The following KCNN2 variants were observed in gnomAD, a reference collection of about 807,000 sequenced individuals.
KCNN2 encodes the protein small conductance calcium-activated potassium channel protein 2.
In KCNN2, 24 loss-of-function variants were observed where a neutral mutation model predicts 55.5. The ratio of observed to expected loss-of-function variants is 0.43; its 90% CI spans 0.31 to 0.61. KCNN2 has a LOEUF of 0.61. KCNN2 is among the 20% of genes least tolerant of loss of function. The pLI is 0.08. For synonymous variants in KCNN2, 431 were observed against 336.1 expected (o/e 1.28, Z -3.09); for missense variants, 754 against 853.6 (o/e 0.88, Z 1.45).
chr5:114,488,041 C>A (rs1204114648), intron 6 of KCNN2, among the ~76,000 whole-genome samples: 1 of 152,174 alleles, frequency 6.6e-6, no homozygotes, highest in East Asian at 1.9e-4. Flanking sequence ...AACTCAGAGG[C>A]TGCAATTTTT....
At chr5:114,185,302 C>A (rs1212731227) in intron 1 of KCNN2, among the ~76,000 whole-genome samples, 1 of 152,318 alleles carries the variant, frequency 6.6e-6, no homozygotes, top group Admixed American at 6.5e-5. Flanking sequence ...ATTATCAGAT[C>A]TAAGAATATA....
At chr5:114,363,322 A>G in intron 1 of KCNN2, 61 bp downstream of exon 1, 1 of 1,475,246 alleles carries the variant, frequency 6.8e-7, no homozygotes, top group South Asian at 1.4e-5. Context: ...TGGGATGGGC[A>G]CTGGCGGGGA....
intron 1 of KCNN2, among the ~76,000 whole-genome samples, chr5:114,127,487 T>A (rs1751962787): frequency 6.6e-6 from 1 of 152,152 alleles, no homozygotes; most frequent in Non-Finnish European, 1.5e-5. Context: ...GTGTCTGGGA[T>A]GCAGGGCACC....
rs199965423 is a variant in KCNN2, at chr5:114,300,038, T to C, written c.-184-60907T>C. ...TTCTTCCAAAAATGGTGTTTTTTTT[T>C]CCACTCCTCCCAGATACTCAGCCCT... is the stretch of plus-strand genomic sequence containing the variant. On this transcript the variant is annotated intron_variant, in intron 2 of 10. Transcript: ENST00000512097. 1.1e-4 allele frequency among the ~76,000 whole-genome samples: 16 copies of C among 144,194 alleles called. No individual in the cohort carries two copies. In the East Asian group the frequency reaches 2.3e-3, roughly 21 times the overall value. The allele number at this position is 144,194 out of a possible 152,430, so 94.6% of individuals were successfully genotyped here.
At chr5:114,149,501 C>A (rs1752471745) in intron 1 of KCNN2, among the ~76,000 whole-genome samples, 1 of 152,062 alleles carries the variant, frequency 6.6e-6, no homozygotes, top group South Asian at 2.1e-4. Flanking sequence ...CGTGATGCCG[C>A]CAATGCACTG....
chr5:114,300,060 C>T lies in KCNN2; in HGVS notation c.-184-60885C>T, dbSNP rs564895519. ...TTTTCCACTCCTCCCAGATACTCAGCCCTCCTACCCTCTTCATAGTCAGAC... is the reference window on the plus strand; with the variant it reads ...TTTTCCACTCCTCCCAGATACTCAGTCCTCCTACCCTCTTCATAGTCAGAC... On this transcript the variant is annotated intron_variant, in intron 2 of 10. Coordinates refer to the KCNN2 transcript ENST00000512097. Among the ~76,000 whole-genome samples the T allele has an allele frequency of 1.1e-3, 169 of 152,186 alleles. 1 individual carries two copies. The highest frequency in any genetic ancestry group is 3.9e-3 in the African/African-American group (163 of 41,536).
intron 1 of KCNN2, among the ~76,000 whole-genome samples, chr5:114,125,845 A>G (rs191241022): frequency 5.8e-4 from 88 of 152,282 alleles, no homozygotes; most frequent in Admixed American, 1.6e-3. Context: ...TACAGCAATC[A>G]TAGTGGATTG....
chr5:114,281,870 T>A (rs560951669), intron 2 of KCNN2, among the ~76,000 whole-genome samples: 33 of 152,244 alleles, frequency 2.2e-4, no homozygotes, highest in African/African-American at 7.7e-4. Flanking sequence ...TCTGTGTTTT[T>A]TTTCTAGGGT....
At chr5:114,291,607 G>C (rs1430420069) in intron 2 of KCNN2, among the ~76,000 whole-genome samples, 1 of 152,146 alleles carries the variant, frequency 6.6e-6, no homozygotes, top group Non-Finnish European at 1.5e-5. Flanking sequence ...CATTTGGGTT[G>C]GTTCCAAGTC....
chr5:114,227,472 C>A (rs1754260215), intron 2 of KCNN2, among the ~76,000 whole-genome samples: 1 of 152,158 alleles, frequency 6.6e-6, no homozygotes, highest in Non-Finnish European at 1.5e-5. Context: ...TTCTGGCTTC[C>A]ACCTTAAAAA....
At chr5:114,425,240 A>G (rs910708309) in intron 3 of KCNN2, among the ~76,000 whole-genome samples, 5 of 152,206 alleles carry the variant, frequency 3.3e-5, no homozygotes, top group African/African-American at 4.8e-5. Flanking sequence ...AAATCCCAAA[A>G]TACTGCAACT....
At chr5:114,381,876 G>A (rs1413613431) in intron 2 of KCNN2, among the ~76,000 whole-genome samples, 1 of 152,184 alleles carries the variant, frequency 6.6e-6, no homozygotes, top group African/African-American at 2.4e-5. Context: ...CTGTGGGACT[G>A]AACTAGGAGA....
intron 6 of KCNN2, 57 bp from the exon 7 acceptor site, chr5:114,493,346 G>A: frequency 9.8e-7 from 1 of 1,018,110 alleles, no homozygotes; most frequent in Middle Eastern, 2.0e-4. Flanking sequence ...TCTTTGGAAG[G>A]CATAAGATTG....
At chr5:114,306,554 T>C (rs1234410407) in intron 2 of KCNN2, among the ~76,000 whole-genome samples, 2 of 152,190 alleles carry the variant, frequency 1.3e-5, no homozygotes, top group Non-Finnish European at 2.9e-5. Context: ...TTCTGCTAGA[T>C]ACTAATGATA....
chr5:114,335,218 TA>T (rs1756899671), intron 2 of KCNN2, among the ~76,000 whole-genome samples: 1 of 152,144 alleles, frequency 6.6e-6, no homozygotes, highest in Admixed American at 6.6e-5. Context: ...GCATATTTTT[TA>T]GGCCCAATAT....
intron 1 of KCNN2, among the ~76,000 whole-genome samples, chr5:114,131,449 G>T (rs577196563): frequency 6.6e-6 from 1 of 152,154 alleles, no homozygotes; most frequent in Non-Finnish European, 1.5e-5. Flanking sequence ...TCTCTGCAAA[G>T]TACATAATCT....
intron 2 of KCNN2, among the ~76,000 whole-genome samples, chr5:114,245,617 G>A (rs973291437): frequency 6.6e-6 from 1 of 152,130 alleles, no homozygotes; most frequent in African/African-American, 2.4e-5. Flanking sequence ...GTTCTAGAAT[G>A]ATTTATCTGA....
At chr5:114,413,734 A>G (rs1759208928) in intron 3 of KCNN2, among the ~76,000 whole-genome samples, 1 of 152,216 alleles carries the variant, frequency 6.6e-6, no homozygotes, top group Non-Finnish European at 1.5e-5. Flanking sequence ...AAAACATGAA[A>G]AGCTCAGCAG....
chr5:114,208,276 G>C lies in KCNN2; in HGVS notation c.-270-13204G>C, dbSNP rs569000490. ...GTGGCTACTTTATCTCCCACTCTTA[G>C]CGGTAATCAGTCCAGACTGTCATCC... On this transcript the variant is annotated intron_variant, in intron 1 of 10. Transcript: ENST00000512097. Among the ~76,000 whole-genome samples the C allele has an allele frequency of 8.4e-4, 128 of 152,202 alleles. 1 individual carries two copies. Among genetic ancestry groups the C allele is most frequent in the African/African-American group, 2.5e-3 (104 of 41,510 alleles).
Sources: gnomAD v4.1 joint callset for allele counts (sites outside exome capture counted in the v4.1 genomes callset) on GRCh38, gnomAD v4.1.1 for gene constraint, MANE v1.5 for transcripts, NCBI Gene and HGNC (gene_info 2026-07-23, HGNC 2026-07-21) for gene names.